Variants in TCF7L2 observed in about 807,000 individuals in gnomAD.
TCF7L2 encodes transcription factor 7-like 2.
In TCF7L2, 23 loss-of-function variants were observed where a neutral mutation model predicts 77.9. The observed-to-expected ratio is 0.30, with a 90% CI of 0.21 to 0.42. TCF7L2 has a LOEUF of 0.42. Ranked by LOEUF, TCF7L2 falls within the 10% of genes least tolerant of loss-of-function variation. The probability of loss-of-function intolerance (pLI) is 1.00; values close to 1 mark genes in which losing one functional copy is unlikely to be tolerated. For synonymous variants in TCF7L2, 413 were observed against 340.2 expected, an observed-to-expected ratio of 1.21 and a Z score of -2.36; for missense variants, 654 against 793.1, an observed-to-expected ratio of 0.82 and a Z score of 2.11.
At chr10:112,966,184 T>TTTTATATATATATATATATATATATATA (rs1554876896) in intron 4 of TCF7L2, among the ~76,000 whole-genome samples, 5 of 114,274 alleles carry the variant, frequency 4.4e-5, no homozygotes, top group African/African-American at 2.4e-4. Context: ...TAAAATATAT[T>TTTTATATATATATATATATATATATATA]TATATATATA....
intron 8 of TCF7L2, 58 bp from the exon 9 acceptor site, chr10:113,150,940 A>G (rs2137122528): frequency 6.2e-7 from 1 of 1,609,566 alleles, no homozygotes; most frequent in Non-Finnish European, 8.5e-7. Context: ...GTGTGTACAC[A>G]TCCCTCCTCA....
intron 5 of TCF7L2, among the ~76,000 whole-genome samples, chr10:113,085,653 G>C (rs1347715692): frequency 6.6e-6 from 1 of 152,172 alleles, no homozygotes; most frequent in African/African-American, 2.4e-5. Flanking sequence ...CTTGATTCTT[G>C]ATCCACGTGG....
chr10:112,991,305 G>A (rs921371444), intron 4 of TCF7L2, among the ~76,000 whole-genome samples: 6 of 152,022 alleles, frequency 3.9e-5, no homozygotes, highest in Admixed American at 1.3e-4. Context: ...TGAGGCGGGC[G>A]GATCACAAGG....
intron 4 of TCF7L2, among the ~76,000 whole-genome samples, chr10:113,014,486 T>A (rs1373908440): frequency 6.6e-6 from 1 of 152,184 alleles, no homozygotes. Flanking sequence ...CCAGTGCTAA[T>A]CCTCCATCCT....
At chr10:112,978,520 C>T (rs2039860235) in intron 4 of TCF7L2, among the ~76,000 whole-genome samples, 1 of 150,962 alleles carries the variant, frequency 6.6e-6, no homozygotes, top group African/African-American at 2.4e-5. Flanking sequence ...GGCTAGAGTA[C>T]AGTGGTGCGA....
intron 4 of TCF7L2, among the ~76,000 whole-genome samples, chr10:112,966,188 A>T (rs1283141622): frequency 4.0e-5 from 3 of 74,768 alleles, no homozygotes; most frequent in African/African-American, 1.8e-4. Context: ...ATATATTTAT[A>T]TATATATATA....
At chr10:113,080,758 A>G (rs2059244030) in intron 5 of TCF7L2, among the ~76,000 whole-genome samples, 1 of 152,186 alleles carries the variant, frequency 6.6e-6, no homozygotes. Flanking sequence ...TTTAAATAAC[A>G]TTTTCTCATA....
chr10:113,070,443 A>C (rs1211777039), intron 5 of TCF7L2, among the ~76,000 whole-genome samples: 1 of 152,002 alleles, frequency 6.6e-6, no homozygotes, highest in African/African-American at 2.4e-5. Context: ...GTAGAATCTC[A>C]TGTAATCCCA....
intron 4 of TCF7L2, among the ~76,000 whole-genome samples, chr10:113,034,516 T>C (rs2050797850): frequency 6.6e-6 from 1 of 152,232 alleles, no homozygotes; most frequent in Non-Finnish European, 1.5e-5. Context: ...ATTTTGTATT[T>C]GGTTAAAACC....
At position 113,004,571 on chromosome 10, in the gene TCF7L2, A is replaced by G. The variant is rs950618599; in HGVS notation, c.451-35454A>G. ...TTGTAGGAAAGCTTCTCTGTCTGGC[A>G]TTTTTCTTCTCCCAGTTGTGACTCA... On this transcript the variant is annotated intron_variant, in intron 4 of 13. Coordinates refer to ENST00000627217, the MANE Select transcript of TCF7L2 (RefSeq NM_001146274.2). Among the ~76,000 whole-genome samples the G allele has an allele frequency of 8.5e-5, 13 of 152,228 alleles. 1 individual carries two copies. The highest frequency in any genetic ancestry group is 6.8e-3 in the Middle Eastern group (2 of 294).
intron 12 of TCF7L2, among the ~76,000 whole-genome samples, chr10:113,160,427 T>G (rs2072971755): frequency 6.6e-6 from 1 of 152,290 alleles, no homozygotes; most frequent in Middle Eastern, 3.4e-3. Context: ...GTGTGTGTTT[T>G]ATTGTTTTAT....
chr10:113,019,828 A>G (rs1241279530), intron 4 of TCF7L2, among the ~76,000 whole-genome samples: 1 of 151,338 alleles, frequency 6.6e-6, no homozygotes, highest in Non-Finnish European at 1.5e-5. Context: ...GACTTCAGCC[A>G]GTCTTGACAC....
chr10:113,037,765 A>G (rs1261326406), intron 4 of TCF7L2, among the ~76,000 whole-genome samples: 2 of 152,150 alleles, frequency 1.3e-5, no homozygotes, highest in East Asian at 3.9e-4. Context: ...CCAAAGATGA[A>G]AACTTGTCCA....
intron 4 of TCF7L2, among the ~76,000 whole-genome samples, chr10:112,993,657 A>G (rs968003648): frequency 2.0e-5 from 3 of 152,220 alleles, no homozygotes; most frequent in Non-Finnish European, 4.4e-5. Flanking sequence ...CTTAAAACAC[A>G]GTGTTGGACG....
chr10:113,123,879 T>A (rs1429013627), intron 5 of TCF7L2, among the ~76,000 whole-genome samples: 1 of 152,234 alleles, frequency 6.6e-6, no homozygotes, highest in Non-Finnish European at 1.5e-5. Context: ...GTCTCAAGTC[T>A]TCCCACTTAG....
Position 113,165,971 on chromosome 10 carries a change from A to G in TCF7L2, c.1808A>G (p.Ter603TrpextTer2). The G allele has an allele frequency of 1.3e-6, 2 of 1,512,960 alleles. No individual in the cohort carries two copies. Among genetic ancestry groups the G allele is most frequent in the Non-Finnish European group, 1.8e-6 (2 of 1,129,450 alleles). The allele number at this position is 1,512,960 out of a possible 1,614,324, so 93.7% of individuals were successfully genotyped here. ...TCGCTCGTCACCAAGTCTTTAGAATAGCTTTAGCGTCGTGAACCCCGCTGC... is the reference window on the plus strand; with the variant it reads ...TCGCTCGTCACCAAGTCTTTAGAATGGCTTTAGCGTCGTGAACCCCGCTGC... The change falls in exon 14 of 14, where the codon TAG (stop) becomes TGG (tryptophan). Residue 603 changes from the stop codon to tryptophan (W), a stop_lost. Coordinates refer to ENST00000627217, the MANE Select transcript of TCF7L2 (RefSeq NM_001146274.2).
At chr10:113,069,348 C>A (rs552368684) in intron 5 of TCF7L2, among the ~76,000 whole-genome samples, 21 of 152,144 alleles carry the variant, frequency 1.4e-4, no homozygotes, top group Admixed American at 3.3e-4. Flanking sequence ...CCTGCCTCAG[C>A]CTCCTGAGTA....
At chr10:113,102,083 C>T (rs1214100454) in intron 5 of TCF7L2, among the ~76,000 whole-genome samples, 2 of 133,336 alleles carry the variant, frequency 1.5e-5, no homozygotes, top group African/African-American at 2.9e-5. Context: ...CACTGCACTC[C>T]AGCCTGGGTG....
chr10:113,126,214 C>T (rs11596409), intron 5 of TCF7L2: 44,574 of 151,358 alleles, frequency 0.29, 7,202 homozygotes, highest in Non-Finnish European at 0.36. Flanking sequence ...TTTGTATCCC[C>T]CCACCTCCAA....
Sources: allele counts gnomAD v4.1 joint callset (sites outside exome capture counted in the v4.1 genomes callset), GRCh38; gene constraint gnomAD v4.1.1; transcripts MANE v1.5; gene names NCBI Gene and HGNC (gene_info 2026-07-23, HGNC 2026-07-21).